Variants in KCNIP1 observed in about 807,000 individuals in gnomAD.
KCNIP1 encodes the protein A-type potassium channel modulatory protein KCNIP1.
In KCNIP1, 18 loss-of-function variants were observed where a neutral mutation model predicts 33.0. The ratio of observed to expected loss-of-function variants is 0.55; its 90% CI spans 0.38 to 0.81. KCNIP1 has a LOEUF of 0.81. Among genes scored for constraint, KCNIP1 ranks in the 30% least tolerant of loss-of-function variants. The pLI, the probability that KCNIP1 is intolerant of heterozygous loss-of-function variation, is 0.00. For missense variants in KCNIP1, 238 were observed against 271.6 expected, an observed-to-expected ratio of 0.88 and a Z score of 0.87; for synonymous variants, 93 against 98.3, an observed-to-expected ratio of 0.95 and a Z score of 0.32.
chr5:170,353,887 G>A lies in KCNIP1; in HGVS notation c.11G>A (p.Cys4Tyr), dbSNP rs1350961809. The change falls in exon 1 of 8, where the codon TGC becomes TAC. Residue 4 changes from cysteine (C) to tyrosine (Y), a missense_variant. Cys to Tyr is a radical substitution (Grantham distance 194). Coordinates refer to the KCNIP1 transcript ENST00000377360. ...CTCCCCTCCGCCACCATGAGCGGCT[G>A]CTCCAAAAGATGCAAGCTTGGGTTC... 8.7e-6 allele frequency: 14 copies of A among 1,613,986 alleles called. No individual in the cohort carries two copies. In the Admixed American group the frequency reaches 1.5e-4, roughly 17 times the overall value.
chr5:170,490,559 A>C (rs558495403), intron 1 of KCNIP1, among the ~76,000 whole-genome samples: 5 of 152,168 alleles, frequency 3.3e-5, no homozygotes, highest in African/African-American at 1.2e-4. Flanking sequence ...TGACTTTGAC[A>C]TTGTCCTGTG....
intron 1 of KCNIP1, among the ~76,000 whole-genome samples, chr5:170,655,569 A>G (rs1761226953): frequency 6.6e-6 from 1 of 152,190 alleles, no homozygotes; most frequent in South Asian, 2.1e-4. Flanking sequence ...ATGTGTTGCT[A>G]GGCATTTGGA....
chr5:170,527,109 G>C (rs1416825739), intron 1 of KCNIP1, among the ~76,000 whole-genome samples: 1 of 152,096 alleles, frequency 6.6e-6, no homozygotes. Context: ...CTCATCACAA[G>C]GCTGGCTTGG....
intron 1 of KCNIP1, among the ~76,000 whole-genome samples, chr5:170,636,885 G>A (rs944109320): frequency 6.6e-6 from 1 of 152,116 alleles, no homozygotes; most frequent in Non-Finnish European, 1.5e-5. Context: ...AGAGGCTTAG[G>A]GGTGTGAAAC....
chr5:170,440,591 T>C (rs1237137189), intron 1 of KCNIP1, among the ~76,000 whole-genome samples: 1 of 152,118 alleles, frequency 6.6e-6, no homozygotes, highest in Admixed American at 6.5e-5. Context: ...GGACTACAGA[T>C]GGAGGGTGTT....
chr5:170,359,657 G>A (rs1310086485), intron 1 of KCNIP1, among the ~76,000 whole-genome samples: 1 of 152,128 alleles, frequency 6.6e-6, no homozygotes, highest in Admixed American at 6.5e-5. Context: ...TACCTCTCCA[G>A]CCCCAAGCTA....
chr5:170,413,795 G>A (rs1755256555), intron 1 of KCNIP1, among the ~76,000 whole-genome samples: 1 of 152,036 alleles, frequency 6.6e-6, no homozygotes, highest in Non-Finnish European at 1.5e-5. Context: ...CAGTGAGAAG[G>A]AGCCATTGAC....
intron 1 of KCNIP1, among the ~76,000 whole-genome samples, chr5:170,634,887 A>G (rs1760224212): frequency 6.6e-6 from 1 of 152,246 alleles, no homozygotes; most frequent in African/African-American, 2.4e-5. Flanking sequence ...CAACCCTTAA[A>G]TCACAAACTA....
chr5:170,520,145 C>A (rs555234018), intron 1 of KCNIP1, among the ~76,000 whole-genome samples: 1 of 152,296 alleles, frequency 6.6e-6, no homozygotes, highest in African/African-American at 2.4e-5. Flanking sequence ...TCTTTGTATA[C>A]ATCAGACACT....
intron 1 of KCNIP1, among the ~76,000 whole-genome samples, chr5:170,713,173 C>G (rs1763519019): frequency 6.6e-6 from 1 of 152,234 alleles, no homozygotes; most frequent in Non-Finnish European, 1.5e-5. Context: ...AAACAAATGG[C>G]CTGGATTTCT....
chr5:170,692,159 G>T (rs547205911), intron 1 of KCNIP1, among the ~76,000 whole-genome samples: 2 of 152,090 alleles, frequency 1.3e-5, no homozygotes, highest in Non-Finnish European at 2.9e-5. Flanking sequence ...TTTAACATGC[G>T]TGGGATTAAA....
intron 1 of KCNIP1, among the ~76,000 whole-genome samples, chr5:170,404,083 G>A (rs1349351190): frequency 6.6e-6 from 1 of 152,172 alleles, no homozygotes; most frequent in Non-Finnish European, 1.5e-5. Context: ...GCAGGAGGCA[G>A]GGGATTATAA....
At chr5:170,481,955 G>A (rs748392377) in intron 1 of KCNIP1, among the ~76,000 whole-genome samples, 1 of 152,178 alleles carries the variant, frequency 6.6e-6, no homozygotes. Context: ...CTTGTTCTTT[G>A]TTTCTGTAGG....
intron 1 of KCNIP1, among the ~76,000 whole-genome samples, chr5:170,571,362 G>A (rs1363827391): frequency 1.3e-5 from 2 of 152,156 alleles, no homozygotes; most frequent in Admixed American, 6.5e-5. Context: ...GTATACTCCA[G>A]CAAGACTTAG....
In KCNIP1 at chr5:170,735,801, A is replaced by G; in HGVS notation, c.646A>G (p.Met216Val). The change falls in exon 8 of 8, where the codon ATG becomes GTG. Residue 216 changes from methionine (M) to valine (V), a missense_variant. Met to Val is a conservative substitution (Grantham distance 21). Transcript: ENST00000328939. The stretch of plus-strand genomic sequence containing the variant: ...GTCTCTCCAGCTGTTTCAAAATGTC[A>G]TGTAACTGGTGACACTCAGCCATTC... ...MRSLQLFQNV[M>V] 5 of 1,613,920 alleles carry G rather than the reference A, an allele frequency of 3.1e-6. No homozygotes were observed. The highest frequency in any genetic ancestry group is 4.2e-6 in the Non-Finnish European group (5 of 1,179,854).
chr5:170,525,888 C>T (rs1755547205), intron 1 of KCNIP1, among the ~76,000 whole-genome samples: 1 of 152,196 alleles, frequency 6.6e-6, no homozygotes. Flanking sequence ...CATCCTGGGC[C>T]CAGAAACCAC....
intron 1 of KCNIP1, among the ~76,000 whole-genome samples, chr5:170,700,790 C>T (rs1763068647): frequency 6.6e-6 from 1 of 152,168 alleles, no homozygotes; most frequent in Non-Finnish European, 1.5e-5. Flanking sequence ...TTTTACTAGG[C>T]AATGCCAGTC....
At chr5:170,606,041 G>C (rs2089191) in intron 1 of KCNIP1, among the ~76,000 whole-genome samples, 25,415 of 152,070 alleles carry the variant, frequency 0.17, 2,308 homozygotes, top group Non-Finnish European at 0.2. Context: ...TCTCAAAGTG[G>C]TGGGATTACA....
At chr5:170,484,529 G>A (rs906434309) in intron 1 of KCNIP1, among the ~76,000 whole-genome samples, 1 of 152,090 alleles carries the variant, frequency 6.6e-6, no homozygotes, top group South Asian at 2.1e-4. Context: ...AAGGCTGTGT[G>A]CTCCCCACCT....
Sources: allele counts gnomAD v4.1 joint callset (sites outside exome capture counted in the v4.1 genomes callset), GRCh38; gene constraint gnomAD v4.1.1; transcripts MANE v1.5; gene names NCBI Gene and HGNC (gene_info 2026-07-23, HGNC 2026-07-21).